TSPAN18: variants seen among roughly 807,000 people sequenced by gnomAD.
The protein encoded by TSPAN18 is tetraspanin-18.
In TSPAN18, 14 loss-of-function variants were observed where a neutral mutation model predicts 27.3. The observed-to-expected ratio is 0.51, with a 90% CI of 0.34 to 0.80. TSPAN18 has a LOEUF of 0.80. Ranked by LOEUF, TSPAN18 falls within the 30% of genes least tolerant of loss-of-function variation. The pLI is 0.01. For synonymous variants in TSPAN18, 143 were observed against 136.5 expected (o/e 1.05, Z -0.33); for missense variants, 268 against 323.9 (o/e 0.83, Z 1.32).
intron 1 of TSPAN18, among the ~76,000 whole-genome samples, chr11:44,729,596 A>C (rs1032326649): frequency 1.3e-5 from 2 of 152,104 alleles, no homozygotes; most frequent in African/African-American, 4.8e-5. Flanking sequence ...CTTGTCCCCA[A>C]ACCCATTCAA....
intron 3 of TSPAN18, among the ~76,000 whole-genome samples, chr11:44,878,221 G>C (rs12804160): frequency 0.11 from 17,250 of 152,040 alleles, 1,159 homozygotes; most frequent in Middle Eastern, 0.16. Context: ...ACCATTACGT[G>C]TTCCAATTAG....
intron 1 of TSPAN18, among the ~76,000 whole-genome samples, chr11:44,757,084 A>G (rs1031403944): frequency 2.6e-5 from 4 of 152,176 alleles, no homozygotes; most frequent in Non-Finnish European, 5.9e-5. Context: ...AATTTGTCAA[A>G]TGCTTTTTCT....
intron 2 of TSPAN18, among the ~76,000 whole-genome samples, chr11:44,785,306 A>AT (rs991268917): frequency 2.0e-5 from 3 of 151,764 alleles, no homozygotes; most frequent in African/African-American, 4.8e-5. Flanking sequence ...TTCCCTCTTG[A>AT]TTTTTTTTAA....
rs930139052 is a variant in TSPAN18, at chr11:44,750,252, G to A, written c.-239-14174G>A. ...GCCATCGATCTTAATTAATCACCTAGAGATATGTCTTTCAATATTGACACT... is the reference window on the plus strand; with the variant it reads ...GCCATCGATCTTAATTAATCACCTAAAGATATGTCTTTCAATATTGACACT... On this transcript the variant is annotated intron_variant, in intron 1 of 9. Coordinates refer to ENST00000520358, the MANE Select transcript of TSPAN18 (RefSeq NM_130783.5). Among the ~76,000 whole-genome samples the A allele has an allele frequency of 2.2e-4, 34 of 152,222 alleles. No homozygotes were observed. In the East Asian group the frequency reaches 2.3e-3, roughly 10 times the overall value.
chr11:44,910,226 G>A lies in TSPAN18; in HGVS notation c.258+327G>A, dbSNP rs1321215701. Among the ~76,000 whole-genome samples, 3 of 152,182 alleles carry A rather than the reference G, an allele frequency of 2.0e-5. No homozygotes were observed. The East Asian group carries it at 5.8e-4, about 29-fold the overall frequency. On this transcript the variant is annotated intron_variant, in intron 5 of 9. Coordinates refer to ENST00000520358, the MANE Select transcript of TSPAN18 (RefSeq NM_130783.5). ...CCTTTGGGACCTGTTTTCTCCCTGG[G>A]GTAGCCCTTCCTCTCTCCCACTTCA...
intron 2 of TSPAN18, among the ~76,000 whole-genome samples, chr11:44,850,571 C>G (rs1441799721): frequency 6.6e-6 from 1 of 152,164 alleles, no homozygotes; most frequent in Non-Finnish European, 1.5e-5. Flanking sequence ...ATAATAGTTT[C>G]CACTTACTGA....
intron 6 of TSPAN18, among the ~76,000 whole-genome samples, chr11:44,918,709 G>A (rs900282375): frequency 1.3e-5 from 2 of 152,098 alleles, no homozygotes; most frequent in Non-Finnish European, 2.9e-5. Context: ...CCTCTGCTGG[G>A]CACCACCCAG....
intron 1 of TSPAN18, among the ~76,000 whole-genome samples, chr11:44,734,200 G>A (rs1854732673): frequency 6.6e-6 from 1 of 152,102 alleles, no homozygotes; most frequent in Admixed American, 6.6e-5. Flanking sequence ...CACCATGCTG[G>A]CACCTGCAGA....
intron 2 of TSPAN18, among the ~76,000 whole-genome samples, chr11:44,777,794 C>A (rs910124840): frequency 1.3e-5 from 2 of 152,156 alleles, no homozygotes; most frequent in Non-Finnish European, 2.9e-5. Flanking sequence ...ATGCCAGCTC[C>A]AGGAGGGTGT....
chr11:44,869,994 C>T (rs945927718), intron 3 of TSPAN18, among the ~76,000 whole-genome samples: 1 of 8,398 alleles, frequency 1.2e-4, no homozygotes, highest in South Asian at 0.013. Flanking sequence ...GCCCGCAGTG[C>T]CACACTTCCC....
At chr11:44,841,351 CTA>C (rs1303357434) in intron 2 of TSPAN18, among the ~76,000 whole-genome samples, 1 of 152,030 alleles carries the variant, frequency 6.6e-6, no homozygotes, top group Non-Finnish European at 1.5e-5. Flanking sequence ...ACCCCCATCT[CTA>C]TTAAAAATAC....
At chr11:44,922,727 A>T (rs2135374985) in intron 8 of TSPAN18, among the ~76,000 whole-genome samples, 1 of 152,270 alleles carries the variant, frequency 6.6e-6, no homozygotes, top group African/African-American at 2.4e-5. Context: ...ATGGGTCCTC[A>T]TTGGAGGAGG....
At chr11:44,778,481 G>C (rs1855865228) in intron 2 of TSPAN18, among the ~76,000 whole-genome samples, 2 of 152,152 alleles carry the variant, frequency 1.3e-5, no homozygotes, top group African/African-American at 2.4e-5. Context: ...TGGCCTTCTA[G>C]AAGGAAGGTG....
At chr11:44,867,430 G>A (rs886065635) in intron 3 of TSPAN18, among the ~76,000 whole-genome samples, 12 of 112,300 alleles carry the variant, frequency 1.1e-4, no homozygotes, top group African/African-American at 4.3e-4. Context: ...ACAGAGTCTC[G>A]CTCTGTCACC....
intron 3 of TSPAN18, among the ~76,000 whole-genome samples, chr11:44,898,707 C>T (rs889049279): frequency 6.6e-6 from 1 of 152,200 alleles, no homozygotes; most frequent in Non-Finnish European, 1.5e-5. Flanking sequence ...GCTTTTATAA[C>T]AGACCCACTC....
chr11:44,870,026 C>T (rs1176365834), intron 3 of TSPAN18, among the ~76,000 whole-genome samples: 5 of 152,244 alleles, frequency 3.3e-5, no homozygotes, highest in African/African-American at 1.2e-4. Flanking sequence ...GGCCTTGCCC[C>T]CTACCATACC....
chr11:44,830,249 G>A (rs529076184), intron 2 of TSPAN18, among the ~76,000 whole-genome samples: 64 of 152,282 alleles, frequency 4.2e-4, no homozygotes, highest in Admixed American at 9.8e-4. Flanking sequence ...CATCTCCTTG[G>A]AGAAACCTTC....
At chr11:44,832,075 C>T (rs762174106) in intron 2 of TSPAN18, among the ~76,000 whole-genome samples, 8 of 152,120 alleles carry the variant, frequency 5.3e-5, no homozygotes, top group Non-Finnish European at 7.4e-5. Flanking sequence ...TGGAAAATAG[C>T]GGCCACCTGT....
intron 2 of TSPAN18, among the ~76,000 whole-genome samples, chr11:44,815,602 G>C (rs1039771127): frequency 6.6e-6 from 1 of 152,178 alleles, no homozygotes; most frequent in African/African-American, 2.4e-5. Context: ...CCCTGTGCTG[G>C]GGATTGCTCT....
Sources: gnomAD v4.1 joint callset for allele counts (sites outside exome capture counted in the v4.1 genomes callset) on GRCh38, gnomAD v4.1.1 for gene constraint, MANE v1.5 for transcripts, NCBI Gene and HGNC (gene_info 2026-07-23, HGNC 2026-07-21) for gene names.